ADGRL3: variants seen among roughly 807,000 people sequenced by gnomAD.
ADGRL3 encodes the protein adhesion G protein-coupled receptor L3, also known as calcium-independent alpha-latrotoxin receptor 3.
In ADGRL3, 62 loss-of-function variants were observed where a neutral mutation model predicts 153.5. That is an observed-to-expected ratio of 0.40 (90% CI 0.33 to 0.50). ADGRL3 has a LOEUF of 0.50. Ranked by LOEUF, ADGRL3 falls within the 20% of genes least tolerant of loss-of-function variation. ADGRL3 has a pLI of 0.47. For missense variants in ADGRL3, 1,641 were observed against 1,859.4 expected, an observed-to-expected ratio of 0.88 and a Z score of 2.16; for synonymous variants, 710 against 672.5, an observed-to-expected ratio of 1.06 and a Z score of -0.86.
In ADGRL3 at chr4:61,633,007, C is replaced by A. The variant is rs2093255958; in HGVS notation, c.474-43819C>A. Among the ~76,000 whole-genome samples the A allele has an allele frequency of 2.0e-5, 3 of 152,220 alleles. No homozygotes were observed. The South Asian group carries it at 6.2e-4, about 32-fold the overall frequency. ...ACTATTTCACAGATTTTCAAATATA[C>A]CTTCATGTATTACTTTATTTGGTCC... On this transcript the variant is annotated intron_variant, in intron 5 of 26. Coordinates refer to ENST00000683033, the MANE Select transcript of ADGRL3 (RefSeq NM_001387552.1).
At chr4:61,833,006 T>C (rs2097891000) in intron 9 of ADGRL3, among the ~76,000 whole-genome samples, 1 of 152,090 alleles carries the variant, frequency 6.6e-6, no homozygotes, top group Admixed American at 6.6e-5. Flanking sequence ...AGTGCCTACA[T>C]GCAAGATTTC....
chr4:61,852,818 ATTT>A (rs1451293381), intron 9 of ADGRL3, among the ~76,000 whole-genome samples: 1 of 15,000 alleles, frequency 6.7e-5, no homozygotes, highest in Non-Finnish European at 4.0e-4. Flanking sequence ...TCTTTTATTT[ATTT>A]ATTTATTTAT....
chr4:61,797,348 G>A (rs1425350558), intron 8 of ADGRL3, among the ~76,000 whole-genome samples: 1 of 152,124 alleles, frequency 6.6e-6, no homozygotes, highest in Non-Finnish European at 1.5e-5. Flanking sequence ...CTACAAAAAG[G>A]TGTTTCTAAA....
chr4:61,993,988 A>G (rs1444261888), intron 19 of ADGRL3, among the ~76,000 whole-genome samples: 2 of 152,124 alleles, frequency 1.3e-5, no homozygotes, highest in Non-Finnish European at 2.9e-5. Context: ...ATTTTTTCGA[A>G]CAGGTTTATT....
intron 1 of ADGRL3, among the ~76,000 whole-genome samples, chr4:61,328,251 C>G (rs1281699476): frequency 1.3e-5 from 2 of 152,084 alleles, no homozygotes; most frequent in Non-Finnish European, 2.9e-5. Flanking sequence ...ATTTTAAATC[C>G]TAATCTATTG....
At chr4:61,712,324 T>C (rs1482147916) in intron 6 of ADGRL3, among the ~76,000 whole-genome samples, 4 of 152,032 alleles carry the variant, frequency 2.6e-5, no homozygotes, top group African/African-American at 7.2e-5. Context: ...GCCTGGAAGG[T>C]TGAGGCTACT....
In ADGRL3 at chr4:61,965,757, A is replaced by AG. The variant is rs529589872; in HGVS notation, c.2806-13805dup. On this transcript the variant is annotated intron_variant, in intron 17 of 26. Coordinates refer to ENST00000683033, the MANE Select transcript of ADGRL3 (RefSeq NM_001387552.1). ...CTGAGCAAGACTCCGACTCACAAAA[A>AG]GAAAAAAAAAAGCATTTGAACAGAA... Among the ~76,000 whole-genome samples the AG allele has an allele frequency of 1.8e-4, 28 of 152,202 alleles. No homozygotes were observed. In the East Asian group the frequency reaches 5.4e-3, roughly 30 times the overall value.
chr4:61,590,381 T>TA (rs911132250), intron 5 of ADGRL3, among the ~76,000 whole-genome samples: 10 of 152,018 alleles, frequency 6.6e-5, no homozygotes, highest in Admixed American at 3.9e-4. Flanking sequence ...GAGAGTTTTT[T>TA]AAAAAAAATA....
At chr4:61,968,452 C>T (rs2099014731) in intron 17 of ADGRL3, among the ~76,000 whole-genome samples, 1 of 152,138 alleles carries the variant, frequency 6.6e-6, no homozygotes, top group South Asian at 2.1e-4. Flanking sequence ...TTGTTCTCAT[C>T]TGTCATATAT....
chr4:61,240,438 T>A (rs1754471654), intron 1 of ADGRL3, among the ~76,000 whole-genome samples: 1 of 152,136 alleles, frequency 6.6e-6, no homozygotes, highest in Admixed American at 6.6e-5. Flanking sequence ...GATTTCATTG[T>A]CTGCCCATCT....
chr4:61,274,583 T>C (rs1429002863), intron 1 of ADGRL3, among the ~76,000 whole-genome samples: 1 of 152,026 alleles, frequency 6.6e-6, no homozygotes, highest in Non-Finnish European at 1.5e-5. Context: ...ATATTAAGGG[T>C]TAAAAAATGT....
intron 1 of ADGRL3, among the ~76,000 whole-genome samples, chr4:61,267,267 A>G (rs1156378131): frequency 6.6e-6 from 1 of 151,724 alleles, no homozygotes; most frequent in Non-Finnish European, 1.5e-5. Context: ...TCTTATTTTC[A>G]AGGAAGGTCA....
chr4:61,551,542 T>C (rs749642358), intron 4 of ADGRL3, among the ~76,000 whole-genome samples: 1 of 152,188 alleles, frequency 6.6e-6, no homozygotes. Context: ...TTGGCATTTA[T>C]ACAAGCTGTG....
chr4:61,618,327 C>T (rs2092229585), intron 5 of ADGRL3, among the ~76,000 whole-genome samples: 1 of 152,090 alleles, frequency 6.6e-6, no homozygotes, highest in Non-Finnish European at 1.5e-5. Flanking sequence ...TTTTATTATC[C>T]TTGTGAATTT....
chr4:61,561,125 AAATT>A (rs2098793355), intron 4 of ADGRL3, among the ~76,000 whole-genome samples: 1 of 152,150 alleles, frequency 6.6e-6, no homozygotes, highest in Non-Finnish European at 1.5e-5. Context: ...CATTCAGAGA[AAATT>A]AATTCTGCCC....
chr4:61,706,425 CAAA>C (rs56955396), intron 6 of ADGRL3, among the ~76,000 whole-genome samples: 51 of 130,026 alleles, frequency 3.9e-4, no homozygotes, highest in Non-Finnish European at 5.2e-4. Flanking sequence ...GACTCCCTCT[CAAA>C]AAAAAAAAAA....
intron 4 of ADGRL3, among the ~76,000 whole-genome samples, chr4:61,563,160 G>T (rs2098802532): frequency 6.6e-6 from 1 of 152,036 alleles, no homozygotes; most frequent in African/African-American, 2.4e-5. Context: ...GGAGTATGTT[G>T]TGTTAGCAGG....
intron 1 of ADGRL3, among the ~76,000 whole-genome samples, chr4:61,285,916 C>T (rs1259516423): frequency 6.6e-6 from 1 of 151,702 alleles, no homozygotes; most frequent in Non-Finnish European, 1.5e-5. Context: ...AGGAGAACTA[C>T]AGAAAAGTGT....
At chr4:61,463,574 G>C (rs2152619642) in intron 2 of ADGRL3, among the ~76,000 whole-genome samples, 1 of 152,166 alleles carries the variant, frequency 6.6e-6, no homozygotes, top group African/African-American at 2.4e-5. Flanking sequence ...GATTTGGGTG[G>C]GGACATAGAG....
Sources: gnomAD v4.1 joint callset for allele counts (sites outside exome capture counted in the v4.1 genomes callset) on GRCh38, gnomAD v4.1.1 for gene constraint, MANE v1.5 for transcripts, NCBI Gene and HGNC (gene_info 2026-07-23, HGNC 2026-07-21) for gene names.